DCAF5: variants seen among roughly 807,000 people sequenced by gnomAD.
DCAF5 encodes the protein DDB1- and CUL4-associated factor 5.
In DCAF5, 9 loss-of-function variants were observed where a neutral mutation model predicts 80.7. That is an observed-to-expected ratio of 0.11 (90% CI 0.07 to 0.19). The LOEUF is 0.19. Ranked by LOEUF, DCAF5 falls within the 10% of genes least tolerant of loss-of-function variation. DCAF5 has a pLI of 1.00. For synonymous variants in DCAF5, 433 were observed against 461.9 expected (o/e 0.94, Z 0.80); for missense variants, 842 against 1,205.7 (o/e 0.70, Z 4.47).
At chr14:69,122,119 A>T (rs570442178) in intron 2 of DCAF5, 98 bp downstream of exon 2, 57 of 1,424,156 alleles carry the variant, frequency 4.0e-5, no homozygotes, top group Non-Finnish European at 5.2e-5. Flanking sequence ...TCCACAGCTC[A>T]ATGAAATACA....
chr14:69,073,717 T>C (rs2038790580), intron 7 of DCAF5, among the ~76,000 whole-genome samples: 1 of 152,202 alleles, frequency 6.6e-6, no homozygotes. Context: ...TGCTAATTCT[T>C]TCCTATTCTC....
chr14:69,091,862 G>C lies in DCAF5; in HGVS notation c.691C>G (p.Leu231Val). The C allele has an allele frequency of 6.2e-7, 1 of 1,613,746 alleles. No individual in the cohort carries two copies. Among genetic ancestry groups the C allele is most frequent in the Non-Finnish European group, 8.5e-7 (1 of 1,179,822 alleles). ...ACACTCATGGCACTTTGGAGGGACA[G>C]GTTTCCACCATAGCGCAGGAGAGAA... ...QSSLLRYGGN[L>V]SLQSAMSVRF... is the part of the protein sequence containing the mutation. The change falls in exon 6 of 9, where the codon CTG (leucine) becomes GTG (valine). Residue 231 changes from leucine to valine, a missense_variant. This residue lies in a region of DCAF5 where 142 missense variants were observed against 311.9 expected (regional missense o/e 0.46). Coordinates refer to ENST00000341516, the MANE Select transcript of DCAF5 (RefSeq NM_003861.3).
chr14:69,065,945 A>G (rs1461083088), intron 7 of DCAF5, among the ~76,000 whole-genome samples: 2 of 152,144 alleles, frequency 1.3e-5, no homozygotes, highest in Admixed American at 6.5e-5. Flanking sequence ...GTAAGGATCA[A>G]CTTCACCCCC....
intron 5 of DCAF5, among the ~76,000 whole-genome samples, chr14:69,109,650 GTTGT>G (rs1402545119): frequency 6.6e-6 from 1 of 152,118 alleles, no homozygotes; most frequent in Non-Finnish European, 1.5e-5. Flanking sequence ...TTTATAGTTT[GTTGT>G]TTATTTATGT....
intron 1 of DCAF5, among the ~76,000 whole-genome samples, chr14:69,124,501 A>G (rs1371857048): frequency 6.6e-6 from 1 of 152,112 alleles, no homozygotes; most frequent in Non-Finnish European, 1.5e-5. Context: ...TGTTTCTTGA[A>G]TTTCTTCTTC....
chr14:69,056,667 A>G (rs752997679), intron 8 of DCAF5, among the ~76,000 whole-genome samples: 2 of 152,134 alleles, frequency 1.3e-5, no homozygotes, highest in Non-Finnish European at 2.9e-5. Context: ...CCCAGAAAAC[A>G]GTGGCCCCTC....
intron 6 of DCAF5, among the ~76,000 whole-genome samples, chr14:69,081,614 T>G (rs1403205074): frequency 1.3e-5 from 2 of 152,026 alleles, no homozygotes; most frequent in Non-Finnish European, 2.9e-5. Flanking sequence ...GATCAACAAC[T>G]CTCTCTCAAT....
At chr14:69,150,485 G>A (rs1455382604) in intron 1 of DCAF5, among the ~76,000 whole-genome samples, 1 of 152,126 alleles carries the variant, frequency 6.6e-6, no homozygotes, top group Non-Finnish European at 1.5e-5. Context: ...TCCTGCCCAA[G>A]GATAAAAGTA....
intron 5 of DCAF5, among the ~76,000 whole-genome samples, chr14:69,114,720 A>G (rs1259970581): frequency 1.3e-5 from 2 of 152,154 alleles, no homozygotes; most frequent in Non-Finnish European, 2.9e-5. Context: ...CAAACCAATA[A>G]ATGTCACTGT....
intron 2 of DCAF5, 58 bp from the exon 3 acceptor site, chr14:69,119,288 T>A (rs1003653077): frequency 6.4e-7 from 1 of 1,560,866 alleles, no homozygotes; most frequent in Non-Finnish European, 8.7e-7. Flanking sequence ...CTGTCCACAT[T>A]ACAATTTAGT....
chr14:69,070,439 A>G (rs1197184581), intron 7 of DCAF5, among the ~76,000 whole-genome samples: 2 of 152,254 alleles, frequency 1.3e-5, no homozygotes, highest in East Asian at 3.8e-4. Context: ...AGATTATTAA[A>G]TCAACACACA....
chr14:69,137,109 G>C (rs760454658), intron 1 of DCAF5, among the ~76,000 whole-genome samples: 1 of 152,052 alleles, frequency 6.6e-6, no homozygotes, highest in Non-Finnish European at 1.5e-5. Flanking sequence ...TTATGAATGG[G>C]TGGGAGGCCT....
intron 7 of DCAF5, among the ~76,000 whole-genome samples, chr14:69,067,257 GA>G (rs982885735): frequency 2.7e-5 from 4 of 148,430 alleles, no homozygotes; most frequent in Non-Finnish European, 4.5e-5. Context: ...AAGCATGCAG[GA>G]AAAAAAAATC....
intron 1 of DCAF5, among the ~76,000 whole-genome samples, chr14:69,125,397 G>T (rs1027002402): frequency 2.0e-5 from 3 of 152,170 alleles, no homozygotes. Context: ...CACAAAACTG[G>T]TAATGGCTTA....
chr14:69,129,886 T>C (rs1287896014), intron 1 of DCAF5, among the ~76,000 whole-genome samples: 2 of 152,328 alleles, frequency 1.3e-5, no homozygotes, highest in East Asian at 1.9e-4. Flanking sequence ...CTTCAACTCA[T>C]CTGAGAACCC....
intron 5 of DCAF5, among the ~76,000 whole-genome samples, chr14:69,109,242 G>A (rs1173064906): frequency 6.6e-6 from 1 of 151,734 alleles, no homozygotes; most frequent in East Asian, 1.9e-4. Flanking sequence ...TACTCAGAAG[G>A]CTGAGTCAGG....
chr14:69,075,415 T>C lies in DCAF5; in HGVS notation c.880-4A>G. 1 of 1,574,564 alleles carries C rather than the reference T, an allele frequency of 6.4e-7. No individual in the cohort carries two copies. Among genetic ancestry groups the C allele is most frequent in the Non-Finnish European group, 8.7e-7 (1 of 1,154,564 alleles). ...CATCAGAGCCCGAAAGGATATACTG[T>C]TGGAACAAAAAATATATAGATAACA... is the stretch of plus-strand genomic sequence containing the variant. On this transcript the variant is annotated splice_region_variant and splice_polypyrimidine_tract_variant and intron_variant, in intron 6 of 8. Transcript: ENST00000341516.
intron 1 of DCAF5, among the ~76,000 whole-genome samples, chr14:69,144,597 C>T (rs1209000482): frequency 1.3e-5 from 2 of 152,002 alleles, no homozygotes; most frequent in Non-Finnish European, 2.9e-5. Flanking sequence ...ATTAAAGGGG[C>T]ACAAAATGGG....
chr14:69,140,081 C>A (rs944256413), intron 1 of DCAF5, among the ~76,000 whole-genome samples: 1 of 151,964 alleles, frequency 6.6e-6, no homozygotes, highest in South Asian at 2.1e-4. Flanking sequence ...GCCTGGGCGA[C>A]GTAGAGAAAT....
Sources: gnomAD v4.1 joint callset for allele counts (sites outside exome capture counted in the v4.1 genomes callset) on GRCh38, gnomAD v4.1.1 for gene constraint, gnomAD v4.1.1 regional missense constraint, MANE v1.5 for transcripts, NCBI Gene and HGNC (gene_info 2026-07-23, HGNC 2026-07-21) for gene names.